Variants in LRPPRC observed in about 807,000 individuals in gnomAD.
LRPPRC encodes the protein leucine rich pentatricopeptide repeat containing.
Under a neutral mutation model 180.3 loss-of-function variants are expected in LRPPRC, and 120 were observed. The ratio of observed to expected loss-of-function variants is 0.67; its 90% CI spans 0.57 to 0.77. The LOEUF (loss-of-function observed/expected upper bound fraction) is 0.77. Ranked by LOEUF, LRPPRC falls within the 30% of genes least tolerant of loss-of-function variation. The pLI is 0.00. For missense variants in LRPPRC, 2,012 were observed against 1,657.2 expected, an observed-to-expected ratio of 1.21 and a Z score of -3.72; for synonymous variants, 723 against 600.0, an observed-to-expected ratio of 1.21 and a Z score of -3.00.
upstream of LRPPRC, chr2:43,996,021 T>C (rs561846730): frequency 3.4e-6 from 5 of 1,480,216 alleles, no homozygotes; most frequent in East Asian, 2.6e-5. Context: ...CAGGGTAGCC[T>C]GGCGCGGCAG....
chr2:43,991,936 A>G (rs1023720804), intron 1 of LRPPRC, among the ~76,000 whole-genome samples: 4 of 152,184 alleles, frequency 2.6e-5, no homozygotes, highest in Non-Finnish European at 5.9e-5. Context: ...TCCTTCTTCA[A>G]TGTCTTAAGA....
At chr2:43,907,520 TCATCCAATAA>T (rs1671103489) in intron 30 of LRPPRC, among the ~76,000 whole-genome samples, 1 of 152,170 alleles carries the variant, frequency 6.6e-6, no homozygotes, top group Non-Finnish European at 1.5e-5. Flanking sequence ...TATCATCCAA[TCATCCAATAA>T]CCCTATTGGC....
Position 43,982,453 on chromosome 2 carries a change from T to A in LRPPRC, c.150-19A>T. Reference sequence around the variant, plus strand: ...TAGTCCTCTAAAAAATGAAACATAATTAATAATAATCAGTTGCTATCTATT... The same window carrying A: ...TAGTCCTCTAAAAAATGAAACATAAATAATAATAATCAGTTGCTATCTATT... On this transcript the variant is annotated intron_variant, in intron 1 of 37. Transcript: ENST00000260665. The A allele has an allele frequency of 6.4e-7, 1 of 1,572,222 alleles. No homozygotes were observed. The highest frequency in any genetic ancestry group is 8.8e-7 in the Non-Finnish European group (1 of 1,142,218).
intron 37 of LRPPRC, among the ~76,000 whole-genome samples, chr2:43,889,230 G>C (rs886553855): frequency 7.1e-6 from 1 of 139,978 alleles, no homozygotes; most frequent in Admixed American, 8.1e-5. Flanking sequence ...CAGGAGAATC[G>C]CTTGGACCTG....
intron 13 of LRPPRC, chr2:43,958,949 T>C: frequency 2.7e-6 from 1 of 368,998 alleles, no homozygotes; most frequent in Non-Finnish European, 4.8e-6. Flanking sequence ...CTCTTGAAAA[T>C]TCATTTTTAT....
At chr2:43,959,041 G>C in intron 13 of LRPPRC, 1 of 538,952 alleles carries the variant, frequency 1.9e-6, no homozygotes, top group Admixed American at 3.3e-5. Flanking sequence ...AGCTATGAAG[G>C]CTGCTGACAA....
intron 11 of LRPPRC, among the ~76,000 whole-genome samples, chr2:43,970,428 T>A (rs1673753555): frequency 6.6e-6 from 1 of 152,106 alleles, no homozygotes; most frequent in Non-Finnish European, 1.5e-5. Flanking sequence ...CACTTACCAA[T>A]AAGAAGGAAA....
intron 1 of LRPPRC, among the ~76,000 whole-genome samples, chr2:43,992,365 G>C (rs961189025): frequency 1.3e-5 from 2 of 152,198 alleles, no homozygotes; most frequent in Admixed American, 1.3e-4. Context: ...ATGCTCACTA[G>C]AGTTTGAGAA....
At chr2:43,917,254 T>C (rs1311929557) in intron 29 of LRPPRC, among the ~76,000 whole-genome samples, 1 of 151,862 alleles carries the variant, frequency 6.6e-6, no homozygotes, top group African/African-American at 2.4e-5. Context: ...TTGGCCAGGA[T>C]GGTCTCCATC....
intron 27 of LRPPRC, among the ~76,000 whole-genome samples, chr2:43,918,790 T>G (rs62138274): frequency 7.9e-4 from 20 of 25,388 alleles, no homozygotes; most frequent in Non-Finnish European, 9.8e-4. Flanking sequence ...TATATATATA[T>G]AGATATATAT....
chr2:43,995,918 C>A lies in LRPPRC; in HGVS notation c.30G>T (p.Trp10Cys). The A allele has an allele frequency of 6.6e-7, 1 of 1,518,362 alleles. No homozygotes were observed. Among genetic ancestry groups the A allele is most frequent in the Non-Finnish European group, 8.8e-7 (1 of 1,140,440 alleles). The allele number at this position is 1,518,362 out of a possible 1,614,324, so 94.1% of individuals were successfully genotyped here. A position where few individuals can be genotyped will look rare whatever the true frequency, so the allele number is the denominator to read the frequency against. ...GCGGGGCCGCCCCGGCACGCAGCAA[C>A]CAACGCGCGGATCTCAGCAGGGCTG... MAALLRSARWLLRAGAAPRL... is the reference protein window; with the variant it reads MAALLRSARCLLRAGAAPRL... The change falls in exon 1 of 38, where the codon TGG (tryptophan) becomes TGT (cysteine). Residue 10 changes from tryptophan (W) to cysteine (C), a missense_variant. Coordinates refer to ENST00000260665, the MANE Select transcript of LRPPRC (RefSeq NM_133259.4).
At chr2:43,934,331 G>T in intron 24 of LRPPRC, 35 bp from the exon 25 acceptor site, 1 of 982,786 alleles carries the variant, frequency 1.0e-6, no homozygotes, top group South Asian at 1.6e-5. Context: ...TATATTAGGA[G>T]AAAAAAAAAC....
chr2:43,912,644 A>T (rs780637370), intron 29 of LRPPRC, 86 bp from the exon 30 acceptor site: 1 of 1,169,568 alleles, frequency 8.6e-7, no homozygotes, highest in African/African-American at 1.5e-5. Context: ...CAAAGACCTA[A>T]ACCCAAATAT....
intron 27 of LRPPRC, among the ~76,000 whole-genome samples, chr2:43,923,512 C>G (rs1306787300): frequency 6.6e-6 from 1 of 152,072 alleles, no homozygotes; most frequent in Non-Finnish European, 1.5e-5. Flanking sequence ...AGTAAAAGTT[C>G]TTCTGAATAG....
At chr2:43,926,915 T>C (rs113663712) in intron 25 of LRPPRC, among the ~76,000 whole-genome samples, 61 of 152,328 alleles carry the variant, frequency 4.0e-4, no homozygotes, top group African/African-American at 1.3e-3. Context: ...TACTTTAAAA[T>C]TGGTTTATAG....
chr2:43,962,816 GA>G (rs1257507222), intron 12 of LRPPRC, among the ~76,000 whole-genome samples: 3 of 152,178 alleles, frequency 2.0e-5, no homozygotes, highest in African/African-American at 7.2e-5. Context: ...TTCAAAAAGT[GA>G]AAACTGAAGC....
At position 43,990,842 on chromosome 2, in the gene LRPPRC, C is replaced by CTTT. The variant is rs11443325; in HGVS notation, c.149+4954_149+4956dup. On this transcript the variant is annotated intron_variant, in intron 1 of 37. Transcript: ENST00000260665. ...AGAACCCCAAAGGACCCATCAGGTT[C>CTTT]TTTTTTTTTTTTTTTTTAATTGAGA... is the stretch of plus-strand genomic sequence containing the variant. Among the ~76,000 whole-genome samples the CTTT allele has an allele frequency of 1.3e-4, 18 of 134,648 alleles. 1 individual carries two copies. Among genetic ancestry groups the CTTT allele is most frequent in the Middle Eastern group, 3.9e-3 (1 of 256 alleles). 88.3% of individuals were successfully genotyped at this position (134,648 alleles called of 152,430 possible). A position where few individuals can be genotyped will look rare whatever the true frequency, so the allele number is the denominator to read the frequency against.
At chr2:43,908,236 A>T (rs909395870) in intron 30 of LRPPRC, among the ~76,000 whole-genome samples, 3 of 152,180 alleles carry the variant, frequency 2.0e-5, no homozygotes, top group Non-Finnish European at 2.9e-5. Context: ...GCAGAGATTT[A>T]AAAAAAGAGT....
chr2:43,957,510 T>C (rs1477980899), intron 13 of LRPPRC, 59 bp from the exon 14 acceptor site: 2 of 1,235,406 alleles, frequency 1.6e-6, no homozygotes, highest in East Asian at 2.3e-5. Context: ...AAACCCTGTA[T>C]TATCAAATTG....
Sources: gnomAD v4.1 joint callset for allele counts (sites outside exome capture counted in the v4.1 genomes callset) on GRCh38, gnomAD v4.1.1 for gene constraint, MANE v1.5 for transcripts, NCBI Gene and HGNC (gene_info 2026-07-23, HGNC 2026-07-21) for gene names.